USH2A: variants seen among roughly 807,000 people sequenced by gnomAD.
The protein encoded by USH2A is Usher syndrome 2A (autosomal recessive, mild).
In USH2A, 443 loss-of-function variants were observed where a neutral mutation model predicts 538.9. The ratio of observed to expected loss-of-function variants is 0.82; its 90% confidence interval spans 0.76 to 0.89. The LOEUF (loss-of-function observed/expected upper bound fraction) is 0.89. Among genes scored for constraint, USH2A ranks in the 40% least tolerant of loss-of-function variants. The pLI is 0.00. For synonymous variants in USH2A, 2,413 were observed against 2,273.5 expected (o/e 1.06, Z -1.75); for missense variants, 6,633 against 6,324.8 (o/e 1.05, Z -1.65).
At position 215,676,196 on chromosome 1, in the gene USH2A, T is replaced by C. The variant is rs1254304908; in HGVS notation, c.12295-580A>G. On this transcript the variant is annotated intron_variant, in intron 62 of 71. Coordinates refer to ENST00000307340, the MANE Select transcript of USH2A (RefSeq NM_206933.4). Reference sequence around the variant, plus strand: ...ATATATATACATGTACATATATACATGTATATAAATCTTTATGACTAGGGG... The same window carrying C: ...ATATATATACATGTACATATATACACGTATATAAATCTTTATGACTAGGGG... Among the ~76,000 whole-genome samples, 7 of 152,238 alleles carry C rather than the reference T, an allele frequency of 4.6e-5. No homozygotes were observed. The South Asian group carries it at 1.0e-3, about 23-fold the overall frequency.
At chr1:216,126,716 C>A (rs1054326505) in intron 21 of USH2A, among the ~76,000 whole-genome samples, 4 of 151,994 alleles carry the variant, frequency 2.6e-5, no homozygotes, top group Admixed American at 2.0e-4. Context: ...ATAAAAGCCA[C>A]GTAACATTAA....
chr1:216,215,192 C>A (rs1368425708), intron 15 of USH2A, among the ~76,000 whole-genome samples: 4 of 152,060 alleles, frequency 2.6e-5, no homozygotes, highest in African/African-American at 9.7e-5. Flanking sequence ...TAAATTATTG[C>A]TAGTGGCCCC....
At chr1:215,775,804 C>G (rs1661445849) in intron 55 of USH2A, among the ~76,000 whole-genome samples, 1 of 152,268 alleles carries the variant, frequency 6.6e-6, no homozygotes, top group East Asian at 1.9e-4. Flanking sequence ...AGGGTTTGTT[C>G]TATTTAGCAC....
At chr1:216,355,669 T>C (rs958689949) in intron 4 of USH2A, among the ~76,000 whole-genome samples, 3 of 152,062 alleles carry the variant, frequency 2.0e-5, no homozygotes, top group Non-Finnish European at 2.9e-5. Flanking sequence ...ACAGGAAACA[T>C]TGAAGAACAC....
chr1:215,923,227 A>G (rs1024675781), intron 38 of USH2A, among the ~76,000 whole-genome samples: 2 of 152,038 alleles, frequency 1.3e-5, no homozygotes, highest in Admixed American at 1.3e-4. Context: ...AAGCAATGAG[A>G]TGGGTAGTGG....
chr1:215,728,232 C>T lies in USH2A; in HGVS notation c.11864G>A (p.Trp3955Ter), dbSNP rs111033364. Residue 3955 changes from tryptophan (W) to a stop codon, truncating the protein, a stop_gained, in exon 61 of 72, where the codon TGG becomes TAG. Coordinates refer to ENST00000307340, the MANE Select transcript of USH2A (RefSeq NM_206933.4). LOFTEE classifies it high-confidence loss of function. ...AGCTTCCAGAGTTTGTGTTAATGAC[C>T]ACAGACTCTCCACTGAACCCTTGGA... ...CNSKGSVESLWSLTQTLEAPP... is the reference protein window; with the variant it reads ...CNSKGSVESL The T allele has an allele frequency of 1.1e-4, 175 of 1,613,968 alleles. 1 individual carries two copies. The highest frequency in any genetic ancestry group is 1.4e-4 in the Non-Finnish European group (169 of 1,180,018).
At chr1:215,657,701 G>T (rs1000417766) in intron 64 of USH2A, among the ~76,000 whole-genome samples, 3 of 152,154 alleles carry the variant, frequency 2.0e-5, no homozygotes, top group Non-Finnish European at 2.9e-5. Flanking sequence ...AGAGGGTACA[G>T]CAGGACATTG....
chr1:215,732,261 G>A (rs1251060533), intron 60 of USH2A, among the ~76,000 whole-genome samples: 1 of 152,116 alleles, frequency 6.6e-6, no homozygotes, highest in Non-Finnish European at 1.5e-5. Context: ...TGGCTGTTGA[G>A]GGAAGAGACA....
chr1:215,842,450 A>T (rs189712184), intron 46 of USH2A, among the ~76,000 whole-genome samples: 2 of 152,314 alleles, frequency 1.3e-5, no homozygotes, highest in African/African-American at 4.8e-5. Context: ...CAGCCATCCC[A>T]TTACTGGGTA....
At chr1:216,186,224 A>T (rs1430401758) in intron 20 of USH2A, among the ~76,000 whole-genome samples, 1 of 138,122 alleles carries the variant, frequency 7.2e-6, no homozygotes, top group Non-Finnish European at 1.5e-5. Flanking sequence ...AGCAAAGAAT[A>T]AAAAAAAAAA....
intron 5 of USH2A, among the ~76,000 whole-genome samples, chr1:216,326,813 T>A (rs1224101975): frequency 6.6e-6 from 1 of 152,214 alleles, no homozygotes; most frequent in African/African-American, 2.4e-5. Flanking sequence ...CTAATTTATA[T>A]CTGCCTTGAA....
In USH2A at chr1:216,070,253, A is replaced by G; in HGVS notation, c.5897T>C (p.Leu1966Ser). 6.2e-7 allele frequency: 1 copy of G among 1,614,024 alleles called. No individual in the cohort carries two copies. Among genetic ancestry groups the G allele is most frequent in the Non-Finnish European group, 8.5e-7 (1 of 1,179,904 alleles). The change falls in exon 30 of 72, where the codon TTA (leucine) becomes TCA (serine). Residue 1966 changes from leucine (L) to serine (S), a missense_variant. Transcript: ENST00000307340. ...SVPTPSRVRS[L>S]NGYSIEVTWD... ...GGTCACCTCAATGCTGTATCCATTT[A>G]AGCTGCGGACTCTTGAGGGAGTTGG...
intron 11 of USH2A, among the ~76,000 whole-genome samples, chr1:216,258,342 G>A (rs920648290): frequency 6.6e-6 from 1 of 152,060 alleles, no homozygotes; most frequent in African/African-American, 2.4e-5. Flanking sequence ...TTTCTCGCCA[G>A]TTCAGCTAGT....
intron 64 of USH2A, among the ~76,000 whole-genome samples, chr1:215,661,234 G>T (rs1657426230): frequency 1.3e-5 from 2 of 152,138 alleles, no homozygotes; most frequent in South Asian, 4.1e-4. Context: ...GGCTTGGTCT[G>T]TACTCTGGAA....
At chr1:216,050,562 T>TTCTTTCTTTC (rs1389404829) in intron 30 of USH2A, among the ~76,000 whole-genome samples, 4 of 31,656 alleles carry the variant, frequency 1.3e-4, no homozygotes, top group African/African-American at 4.0e-4. Flanking sequence ...TTGTATCTTT[T>TTCTTTCTTTC]TCTTTCTTTC....
chr1:216,112,801 T>C (rs2032907339), intron 21 of USH2A, among the ~76,000 whole-genome samples: 1 of 152,126 alleles, frequency 6.6e-6, no homozygotes, highest in Non-Finnish European at 1.5e-5. Flanking sequence ...TTTTTCATGT[T>C]TGCATGGTAT....
intron 38 of USH2A, among the ~76,000 whole-genome samples, chr1:215,929,765 C>T (rs897777644): frequency 1.3e-5 from 2 of 152,050 alleles, no homozygotes; most frequent in African/African-American, 4.8e-5. Context: ...GTTATATCTG[C>T]AGATTTGCTC....
At chr1:215,659,071 T>A (rs1420712736) in intron 64 of USH2A, among the ~76,000 whole-genome samples, 1 of 152,152 alleles carries the variant, frequency 6.6e-6, no homozygotes, top group Non-Finnish European at 1.5e-5. Context: ...GGCATTAACA[T>A]CCTGGTGAGG....
At chr1:215,670,589 T>A (rs1361103726) in intron 64 of USH2A, among the ~76,000 whole-genome samples, 2 of 152,184 alleles carry the variant, frequency 1.3e-5, no homozygotes, top group South Asian at 2.1e-4. Context: ...AGGCTAGAGA[T>A]GTTTGCTATT....
Sources: gnomAD v4.1 joint callset for allele counts (sites outside exome capture counted in the v4.1 genomes callset) on GRCh38, gnomAD v4.1.1 for gene constraint, MANE v1.5 for transcripts, NCBI Gene and HGNC (gene_info 2026-07-23, HGNC 2026-07-21) for gene names.